Variants in FGF12 observed in about 807,000 individuals in gnomAD.
The protein encoded by FGF12 is fibroblast growth factor 12, also known as fibroblast growth factor 12B.
In FGF12, 14 loss-of-function variants were observed where a neutral mutation model predicts 23.6. The ratio of observed to expected loss-of-function variants is 0.59; its 90% confidence interval spans 0.39 to 0.93. The LOEUF (loss-of-function observed/expected upper bound fraction) is 0.93, where lower values mean the gene tolerates loss of function less well. Ranked by LOEUF, FGF12 falls within the 40% of genes least tolerant of loss-of-function variation. The probability of loss-of-function intolerance (pLI) is 0.00; values close to 1 mark genes in which losing one functional copy is unlikely to be tolerated. For synonymous variants in FGF12, 62 were observed against 77.3 expected, an observed-to-expected ratio of 0.80 and a Z score of 1.04; for missense variants, 175 against 217.8, an observed-to-expected ratio of 0.80 and a Z score of 1.24.
intron 2 of FGF12, among the ~76,000 whole-genome samples, chr3:192,578,070 G>C (rs1712985116): frequency 6.6e-6 from 1 of 152,184 alleles, no homozygotes; most frequent in African/African-American, 2.4e-5. Context: ...TTCACTTCAT[G>C]AAAGATAATC....
At chr3:192,559,459 T>C (rs2108592973) in intron 2 of FGF12, among the ~76,000 whole-genome samples, 1 of 151,984 alleles carries the variant, frequency 6.6e-6, no homozygotes, top group South Asian at 2.1e-4. Flanking sequence ...TTTAGGGTAA[T>C]GAAACAATTC....
chr3:192,696,327 C>T lies in FGF12; in HGVS notation c.13+30854G>A, dbSNP rs114515469. On this transcript the variant is annotated intron_variant, in intron 2 of 5. Transcript: ENST00000445105. ...AGAAGCTCTGAGCAAGTGACTGATG[C>T]TAGCAATTCTTATCAGATTCACTCA... Among the ~76,000 whole-genome samples the T allele has an allele frequency of 1.9e-3, 296 of 152,204 alleles. 1 individual carries two copies. The highest frequency in any genetic ancestry group is 0.01 in the Middle Eastern group (3 of 294).
chr3:192,541,793 T>C (rs942419845), intron 2 of FGF12, among the ~76,000 whole-genome samples: 1 of 152,144 alleles, frequency 6.6e-6, no homozygotes, highest in Non-Finnish European at 1.5e-5. Flanking sequence ...TTTCACTGGA[T>C]CTACTATTTT....
At chr3:192,265,272 A>C (rs1281989063) in intron 4 of FGF12, 1 of 152,160 alleles carries the variant, frequency 6.6e-6, no homozygotes, top group African/African-American at 2.4e-5. Context: ...AAGAGGTAGT[A>C]ACATCCGATG....
At chr3:192,556,997 T>C (rs567539586) in intron 2 of FGF12, among the ~76,000 whole-genome samples, 1 of 151,986 alleles carries the variant, frequency 6.6e-6, no homozygotes, top group African/African-American at 2.4e-5. Flanking sequence ...CTTAAAAATA[T>C]TGCTAGACAA....
At chr3:192,625,675 A>T (rs898657320) in intron 2 of FGF12, among the ~76,000 whole-genome samples, 15 of 152,128 alleles carry the variant, frequency 9.9e-5, no homozygotes, top group Middle Eastern at 3.2e-3. Flanking sequence ...AACTTTTTTT[A>T]AAAAGTCATA....
chr3:192,286,353 C>T (rs921165913), intron 4 of FGF12, among the ~76,000 whole-genome samples: 6 of 152,012 alleles, frequency 3.9e-5, no homozygotes, highest in Admixed American at 2.6e-4. Context: ...TGTTTGGAAG[C>T]GTTCCCACTC....
At chr3:192,713,816 T>G (rs1661315904) in intron 2 of FGF12, among the ~76,000 whole-genome samples, 1 of 152,224 alleles carries the variant, frequency 6.6e-6, no homozygotes. Context: ...ATCACGATGA[T>G]GCAGTTTGGT....
intron 2 of FGF12, among the ~76,000 whole-genome samples, chr3:192,441,118 T>C (rs1340867274): frequency 1.3e-5 from 2 of 152,220 alleles, no homozygotes; most frequent in African/African-American, 4.8e-5. Context: ...GTATTGCCAC[T>C]TAACTAGCTA....
At chr3:192,162,774 A>T (rs57355392) in intron 5 of FGF12, among the ~76,000 whole-genome samples, 36,710 of 151,998 alleles carry the variant, frequency 0.24, 4,623 homozygotes, top group African/African-American at 0.29. Flanking sequence ...TGGAGTTTTA[A>T]AACATCAGGA....
chr3:192,520,372 A>T (rs1665008983), intron 2 of FGF12, among the ~76,000 whole-genome samples: 1 of 152,176 alleles, frequency 6.6e-6, no homozygotes, highest in African/African-American at 2.4e-5. Context: ...ATATTCACTT[A>T]TTTATTAAAT....
chr3:192,514,971 G>C lies in FGF12; in HGVS notation c.14-154433C>G, dbSNP rs1577030595. 5.0e-6 allele frequency: 3 copies of C among 596,776 alleles called. No homozygotes were observed. The highest frequency in any genetic ancestry group is 6.3e-5 in the Admixed American group (1 of 15,828). The allele number at this position is 596,776 out of a possible 1,614,324, so 37.0% of individuals were successfully genotyped here. On this transcript the variant is annotated intron_variant, in intron 2 of 5. Coordinates refer to ENST00000445105, the MANE Select transcript of FGF12 (RefSeq NM_004113.6). The surrounding 1 kb of genome is among the most constrained non-coding windows in gnomAD (Gnocchi z 4.9). ...GTCCGCCGGGGGCAGCCCTCCGAGA[G>C]CCCGAGGCGCTGCCACCCCTCGGTG...
intron 2 of FGF12, among the ~76,000 whole-genome samples, chr3:192,570,581 A>G (rs1348253167): frequency 1.3e-5 from 2 of 152,176 alleles, no homozygotes; most frequent in Non-Finnish European, 1.5e-5. Flanking sequence ...AGCTGGATTT[A>G]TGAAACAGAA....
chr3:192,707,379 A>G (rs1196888476), intron 2 of FGF12, among the ~76,000 whole-genome samples: 1 of 152,208 alleles, frequency 6.6e-6, no homozygotes, highest in African/African-American at 2.4e-5. Context: ...TCAAGAAGGA[A>G]GAGAACCAGA....
chr3:192,476,745 C>T (rs1723338094), intron 2 of FGF12, among the ~76,000 whole-genome samples: 1 of 152,082 alleles, frequency 6.6e-6, no homozygotes, highest in Non-Finnish European at 1.5e-5. Context: ...GAAAGGTTGT[C>T]TGGAGGACAC....
At chr3:192,707,494 TC>T (rs1324787706) in intron 2 of FGF12, among the ~76,000 whole-genome samples, 16 of 152,132 alleles carry the variant, frequency 1.1e-4, no homozygotes, top group African/African-American at 3.9e-4. Flanking sequence ...ACGCCTGTAA[TC>T]CCAGCACTTT....
intron 4 of FGF12, among the ~76,000 whole-genome samples, chr3:192,293,515 A>G (rs1193039686): frequency 6.6e-6 from 1 of 152,168 alleles, no homozygotes; most frequent in Non-Finnish European, 1.5e-5. Flanking sequence ...ATTTGCTATC[A>G]GTTTGAGAGC....
At chr3:192,407,900 A>G in intron 2 of FGF12, 1 of 1,067,290 alleles carries the variant, frequency 9.4e-7, no homozygotes, top group Non-Finnish European at 1.3e-6. Context: ...TCTGGAAATG[A>G]GAGAAGAGGG....
At chr3:192,369,393 C>T (rs1367348051) in intron 2 of FGF12, among the ~76,000 whole-genome samples, 1 of 152,212 alleles carries the variant, frequency 6.6e-6, no homozygotes, top group Non-Finnish European at 1.5e-5. Flanking sequence ...ACTGCACAGT[C>T]TCCAAAGCCC....
Sources: gnomAD v4.1 joint callset for allele counts (sites outside exome capture counted in the v4.1 genomes callset) on GRCh38, gnomAD v4.1.1 for gene constraint, Gnocchi (gnomAD v3.1) non-coding constraint, MANE v1.5 for transcripts, NCBI Gene and HGNC (gene_info 2026-07-23, HGNC 2026-07-21) for gene names.